SCAPER: variants seen among roughly 807,000 people sequenced by gnomAD.
The protein encoded by SCAPER is S-phase cyclin A associated protein in the ER.
Under a neutral mutation model 182.2 loss-of-function variants are expected in SCAPER, and 98 were observed. The observed-to-expected ratio is 0.54, with a 90% CI of 0.46 to 0.64. The LOEUF (loss-of-function observed/expected upper bound fraction) is 0.64. Ranked by LOEUF, SCAPER falls within the 30% of genes least tolerant of loss-of-function variation. The pLI, the probability that SCAPER is intolerant of heterozygous loss-of-function variation, is 0.00. For missense variants in SCAPER, 1,432 were observed against 1,690.0 expected (o/e 0.85, Z 2.68); for synonymous variants, 605 against 564.6 (o/e 1.07, Z -1.01).
intron 20 of SCAPER, among the ~76,000 whole-genome samples, chr15:76,686,614 C>T (rs536712372): frequency 6.6e-6 from 1 of 152,004 alleles, no homozygotes; most frequent in Non-Finnish European, 1.5e-5. Context: ...AATGTTAACA[C>T]CAACACTACT....
intron 20 of SCAPER, among the ~76,000 whole-genome samples, chr15:76,693,300 C>T (rs1384009572): frequency 6.6e-6 from 1 of 152,080 alleles, no homozygotes; most frequent in East Asian, 1.9e-4. Context: ...TAAGACCAAC[C>T]TATTTGGATG....
At chr15:76,360,408 C>T (rs2041318300) in intron 29 of SCAPER, among the ~76,000 whole-genome samples, 1 of 152,204 alleles carries the variant, frequency 6.6e-6, no homozygotes, top group Non-Finnish European at 1.5e-5. Context: ...TGTCCTGGGT[C>T]CTCCAGCTCG....
intron 2 of SCAPER, among the ~76,000 whole-genome samples, chr15:76,870,101 G>C (rs2072596007): frequency 6.6e-6 from 1 of 152,136 alleles, no homozygotes; most frequent in Admixed American, 6.6e-5. Flanking sequence ...AAAAGTAGTG[G>C]AGTGGGGTGG....
At chr15:76,783,957 C>G (rs2064371790) in intron 8 of SCAPER, among the ~76,000 whole-genome samples, 1 of 152,168 alleles carries the variant, frequency 6.6e-6, no homozygotes, top group South Asian at 2.1e-4. Context: ...TGGAAGCATT[C>G]CCTTTGAAAA....
chr15:76,727,565 T>A (rs1255555273), intron 17 of SCAPER, among the ~76,000 whole-genome samples: 1 of 151,998 alleles, frequency 6.6e-6, no homozygotes, highest in Non-Finnish European at 1.5e-5. Flanking sequence ...GACTCCTACC[T>A]CTAAATACAC....
intron 27 of SCAPER, among the ~76,000 whole-genome samples, chr15:76,396,122 G>A (rs1290700155): frequency 6.6e-6 from 1 of 152,114 alleles, no homozygotes; most frequent in Non-Finnish European, 1.5e-5. Flanking sequence ...TGGCACCTTT[G>A]TCAAAAATGA....
chr15:76,821,009 A>G (rs1303692319), intron 5 of SCAPER, among the ~76,000 whole-genome samples: 1 of 152,212 alleles, frequency 6.6e-6, no homozygotes, highest in Admixed American at 6.5e-5. Context: ...CAATGGGAAC[A>G]CTCATTTATT....
chr15:76,356,786 C>T (rs749568042), intron 29 of SCAPER, among the ~76,000 whole-genome samples: 7 of 152,278 alleles, frequency 4.6e-5, no homozygotes, highest in East Asian at 1.9e-4. Context: ...ACTGCACCAA[C>T]GGCAGGGAAT....
rs144077517 is a variant in SCAPER at position 76,352,686 on chromosome 15, G to A, written c.4047+1263C>T. Among the ~76,000 whole-genome samples, 22 of 151,944 alleles carry A rather than the reference G, an allele frequency of 1.4e-4. No homozygotes were observed. The East Asian group carries it at 4.1e-3, about 28-fold the overall frequency. On this transcript the variant is annotated intron_variant, in intron 30 of 31. Transcript: ENST00000563290. ...GCTGGTCGCAAACTCCTGACCTCAA[G>A]TGATCTGCTCACCCCGGCCTCCCAA... is the stretch of plus-strand genomic sequence containing the variant.
At chr15:76,848,797 G>C (rs1317193704) in intron 4 of SCAPER, among the ~76,000 whole-genome samples, 1 of 151,780 alleles carries the variant, frequency 6.6e-6, no homozygotes, top group Non-Finnish European at 1.5e-5. Flanking sequence ...GTATTTTTTA[G>C]CACACCACAG....
chr15:76,451,206 A>G (rs2142835611), intron 25 of SCAPER, among the ~76,000 whole-genome samples: 1 of 152,338 alleles, frequency 6.6e-6, no homozygotes, highest in South Asian at 2.1e-4. Flanking sequence ...TCAATAGTTC[A>G]TTCCTTTTTA....
At chr15:76,375,812 C>T (rs2042519995) in intron 29 of SCAPER, among the ~76,000 whole-genome samples, 1 of 152,032 alleles carries the variant, frequency 6.6e-6, no homozygotes, top group Non-Finnish European at 1.5e-5. Flanking sequence ...GGCAAAACCC[C>T]ATCTCTACTA....
At chr15:76,626,218 G>A (rs1478559162) in intron 21 of SCAPER, among the ~76,000 whole-genome samples, 2 of 151,936 alleles carry the variant, frequency 1.3e-5, no homozygotes, top group Non-Finnish European at 2.9e-5. Flanking sequence ...TGTTGTGGAG[G>A]AGGCACACAC....
chr15:76,832,636 G>A (rs149160061), intron 5 of SCAPER, among the ~76,000 whole-genome samples: 1 of 152,178 alleles, frequency 6.6e-6, no homozygotes, highest in Admixed American at 6.5e-5. Flanking sequence ...GGCCTAGTGG[G>A]AGGTGACTGA....
intron 21 of SCAPER, among the ~76,000 whole-genome samples, chr15:76,647,939 A>C (rs2054679228): frequency 6.6e-6 from 1 of 152,212 alleles, no homozygotes; most frequent in South Asian, 2.1e-4. Flanking sequence ...GACAAAAGCA[A>C]ACGTACAAGT....
intron 22 of SCAPER, among the ~76,000 whole-genome samples, chr15:76,590,760 G>A (rs1159719846): frequency 1.3e-5 from 2 of 152,068 alleles, no homozygotes; most frequent in African/African-American, 2.4e-5. Context: ...CAGTTTATTC[G>A]ATATAGGAAA....
intron 5 of SCAPER, among the ~76,000 whole-genome samples, chr15:76,832,751 C>A (rs905116320): frequency 5.3e-5 from 8 of 152,094 alleles, no homozygotes; most frequent in Non-Finnish European, 8.8e-5. Flanking sequence ...TGTGGCACCT[C>A]CCCCTCGCTC....
At chr15:76,509,306 T>C (rs1350076829) in intron 23 of SCAPER, among the ~76,000 whole-genome samples, 1 of 152,166 alleles carries the variant, frequency 6.6e-6, no homozygotes, top group Admixed American at 6.5e-5. Context: ...ATTCTGAATA[T>C]TCTACTTCTG....
In SCAPER at chr15:76,695,632, A is replaced by T. The variant is rs141318276; in HGVS notation, c.2508+6126T>A. Among the ~76,000 whole-genome samples the T allele has an allele frequency of 3.5e-3, 538 of 152,182 alleles. 2 individuals are homozygous for T. The highest frequency in any genetic ancestry group is 6.5e-3 in the Non-Finnish European group (445 of 68,002). The stretch of plus-strand genomic sequence containing the variant: ...AAGAAAAAAGAAAAAAAACTGTTTA[A>T]TTAAATATTTTTCCTTGACCTAATA... On this transcript the variant is annotated intron_variant, in intron 20 of 31. Transcript: ENST00000563290.
Sources: gnomAD v4.1 joint callset for allele counts (sites outside exome capture counted in the v4.1 genomes callset) on GRCh38, gnomAD v4.1.1 for gene constraint, MANE v1.5 for transcripts, NCBI Gene and HGNC (gene_info 2026-07-23, HGNC 2026-07-21) for gene names.